The following RBFOX1 variants were observed in gnomAD, a reference collection of about 807,000 sequenced individuals.
RBFOX1 encodes RNA binding protein fox-1 homolog 1.
Under a neutral mutation model 57.7 loss-of-function variants are expected in RBFOX1, and 8 were observed. The ratio of observed to expected loss-of-function variants is 0.14; its 90% confidence interval spans 0.08 to 0.25. The LOEUF is 0.25. RBFOX1 is among the 10% of genes least tolerant of loss of function. The pLI, the probability that RBFOX1 is intolerant of heterozygous loss-of-function variation, is 1.00. For missense variants in RBFOX1, 611 were observed against 548.5 expected, an observed-to-expected ratio of 1.11 and a Z score of -1.14; for synonymous variants, 326 against 222.4, an observed-to-expected ratio of 1.47 and a Z score of -4.15.
intron 3 of RBFOX1, among the ~76,000 whole-genome samples, chr16:6,911,150 G>A (rs1432502400): frequency 2.7e-5 from 4 of 150,186 alleles, no homozygotes; most frequent in South Asian, 2.1e-4. Flanking sequence ...GGAGTGAGCC[G>A]ATAATCGCAC....
intron 2 of RBFOX1, among the ~76,000 whole-genome samples, chr16:6,634,226 C>G (rs1196964301): frequency 6.6e-6 from 1 of 152,088 alleles, no homozygotes; most frequent in Non-Finnish European, 1.5e-5. Context: ...TTCACTCTTC[C>G]ATTAAAAAAT....
intron 2 of RBFOX1, among the ~76,000 whole-genome samples, chr16:6,560,522 A>G (rs757655382): frequency 2.0e-5 from 3 of 152,166 alleles, no homozygotes; most frequent in Non-Finnish European, 2.9e-5. Context: ...AAGAGACAAT[A>G]GAAGGGCCAG....
chr16:7,242,874 C>A (rs1463205667), intron 4 of RBFOX1, among the ~76,000 whole-genome samples: 1 of 152,118 alleles, frequency 6.6e-6, no homozygotes, highest in African/African-American at 2.4e-5. Flanking sequence ...ATGGAGTCTG[C>A]GGACAGTTTG....
chr16:5,286,129 A>T (rs1481483912), intron 1 of RBFOX1, among the ~76,000 whole-genome samples: 2 of 152,160 alleles, frequency 1.3e-5, no homozygotes, highest in African/African-American at 4.8e-5. Context: ...GATGCCAGGA[A>T]GTCTTGTCCT....
intron 3 of RBFOX1, among the ~76,000 whole-genome samples, chr16:6,824,673 A>G (rs893698183): frequency 6.6e-6 from 1 of 152,160 alleles, no homozygotes; most frequent in Admixed American, 6.5e-5. Context: ...TTCATCACTC[A>G]CTACCTTGAA....
intron 3 of RBFOX1, among the ~76,000 whole-genome samples, chr16:7,005,975 C>G (rs1033491573): frequency 6.6e-6 from 1 of 152,096 alleles, no homozygotes; most frequent in Non-Finnish European, 1.5e-5. Context: ...CTCAGGATCA[C>G]GTAACAGAAA....
In RBFOX1 at chr16:6,395,784, G is replaced by C. The variant is rs183645581; in HGVS notation, c.-64+78727G>C. Among the ~76,000 whole-genome samples, 717 of 152,064 alleles carry C rather than the reference G, an allele frequency of 4.7e-3. 3 individuals are homozygous for C. The highest frequency in any genetic ancestry group is 0.017 in the African/African-American group (689 of 41,484). The stretch of plus-strand genomic sequence containing the variant: ...AATAAAGCTGTTTTTTAACATGAGG[G>C]CCTTGCACAGTAGCTCACGCTTGTA... On this transcript the variant is annotated intron_variant, in intron 2 of 15. Transcript: ENST00000550418.
intron 4 of RBFOX1, among the ~76,000 whole-genome samples, chr16:7,260,437 A>C (rs1190121906): frequency 2.0e-5 from 3 of 152,142 alleles, no homozygotes; most frequent in Admixed American, 6.5e-5. Context: ...AAAGCTCCCA[A>C]ACTGTTTTGT....
chr16:6,126,111 A>G (rs867973616), intron 1 of RBFOX1, among the ~76,000 whole-genome samples: 8 of 152,126 alleles, frequency 5.3e-5, no homozygotes, highest in Middle Eastern at 3.2e-3. Context: ...GTTTACTTGC[A>G]TTTTCGTTTC....
chr16:5,469,666 C>T (rs992414768), intron 2 of RBFOX1, among the ~76,000 whole-genome samples: 6 of 152,148 alleles, frequency 3.9e-5, no homozygotes, highest in Non-Finnish European at 7.3e-5. Flanking sequence ...GTCACTCCCC[C>T]TTCCTCCATC....
chr16:6,961,853 C>T (rs187212195), intron 3 of RBFOX1, among the ~76,000 whole-genome samples: 22 of 152,238 alleles, frequency 1.4e-4, no homozygotes, highest in African/African-American at 4.8e-4. Flanking sequence ...AGTCACTTTC[C>T]TTGCCATCCT....
At chr16:5,534,975 T>A (rs2044638708) in intron 2 of RBFOX1, among the ~76,000 whole-genome samples, 1 of 152,190 alleles carries the variant, frequency 6.6e-6, no homozygotes, top group Admixed American at 6.5e-5. Context: ...TCCCAAAGGC[T>A]TACTGTGAGT....
rs562073922 is a variant in RBFOX1 at position 7,308,083 on chromosome 16, G to A, written c.28-210064G>A. Among the ~76,000 whole-genome samples, 231 of 152,266 alleles carry A rather than the reference G, an allele frequency of 1.5e-3. 3 individuals are homozygous for A. Among genetic ancestry groups the A allele is most frequent in the African/African-American group, 5.4e-3 (225 of 41,552 alleles). On this transcript the variant is annotated intron_variant, in intron 4 of 15. Coordinates refer to ENST00000550418, the MANE Select transcript of RBFOX1 (RefSeq NM_018723.4). ...GCTAGGTCAAAAGAGAACCTATTTT[G>A]TTTTCCTGATAGAGAAGAAATAGAA...
At chr16:6,065,121 G>A (rs957230899) in intron 1 of RBFOX1, among the ~76,000 whole-genome samples, 7 of 151,064 alleles carry the variant, frequency 4.6e-5, no homozygotes, top group Admixed American at 6.6e-5. Context: ...TTGACCTCCC[G>A]GGCTCAAGTG....
intron 4 of RBFOX1, among the ~76,000 whole-genome samples, chr16:5,904,850 G>T (rs1415594808): frequency 6.6e-6 from 1 of 151,222 alleles, no homozygotes; most frequent in Non-Finnish European, 1.5e-5. Context: ...GGTGGTGGGC[G>T]CCTGTAGTCC....
intron 3 of RBFOX1, among the ~76,000 whole-genome samples, chr16:5,754,289 A>G (rs1049776102): frequency 1.3e-5 from 2 of 152,200 alleles, no homozygotes; most frequent in Non-Finnish European, 2.9e-5. Context: ...GTGTTAATCT[A>G]TGTAACATGT....
chr16:6,873,800 A>G (rs1270331568), intron 3 of RBFOX1: 2 of 152,176 alleles, frequency 1.3e-5, no homozygotes, highest in African/African-American at 4.8e-5. Context: ...GATCTTTATT[A>G]TTGCCATTTT....
intron 4 of RBFOX1, among the ~76,000 whole-genome samples, chr16:7,196,527 C>G (rs899887821): frequency 6.6e-6 from 1 of 152,214 alleles, no homozygotes; most frequent in African/African-American, 2.4e-5. Context: ...GTTAGTGCAA[C>G]CGGCTCTTTA....
chr16:7,656,508 G>A (rs769478162), intron 12 of RBFOX1, among the ~76,000 whole-genome samples: 8 of 152,190 alleles, frequency 5.3e-5, no homozygotes, highest in Non-Finnish European at 7.3e-5. Context: ...TTCAGGGAAA[G>A]CAAGTAGCAT....
Sources: gnomAD v4.1 joint callset for allele counts (sites outside exome capture counted in the v4.1 genomes callset) on GRCh38, gnomAD v4.1.1 for gene constraint, MANE v1.5 for transcripts, NCBI Gene and HGNC (gene_info 2026-07-23, HGNC 2026-07-21) for gene names.